Variants in DAAM2 observed in about 807,000 individuals in gnomAD.
DAAM2 encodes disheveled-associated activator of morphogenesis 2.
A neutral mutation model predicts 120.7 loss-of-function variants in DAAM2; 39 were observed. The observed-to-expected ratio is 0.32, with a 90% CI of 0.25 to 0.42. The LOEUF (loss-of-function observed/expected upper bound fraction) is 0.42, where lower values mean the gene tolerates loss of function less well. Ranked by LOEUF, DAAM2 falls within the 10% of genes least tolerant of loss-of-function variation. The probability of loss-of-function intolerance (pLI) is 1.00; values close to 1 mark genes in which losing one functional copy is unlikely to be tolerated. For synonymous variants in DAAM2, 488 were observed against 524.9 expected (o/e 0.93, Z 0.96); for missense variants, 1,283 against 1,401.7 (o/e 0.92, Z 1.35).
At chr6:39,839,030 CT>C (rs1177347829) in intron 1 of DAAM2, among the ~76,000 whole-genome samples, 26 of 152,162 alleles carry the variant, frequency 1.7e-4, no homozygotes, top group African/African-American at 5.5e-4. Flanking sequence ...GTGGTCCCCC[CT>C]CTCTCTCCTC....
chr6:39,804,350 C>A (rs149672362), intron 1 of DAAM2, among the ~76,000 whole-genome samples: 1 of 152,108 alleles, frequency 6.6e-6, no homozygotes, highest in Non-Finnish European at 1.5e-5. Flanking sequence ...ACAGAGTTAG[C>A]GCTCAGGGGA....
At chr6:39,852,297 G>T (rs935789237) in intron 1 of DAAM2, among the ~76,000 whole-genome samples, 2 of 152,188 alleles carry the variant, frequency 1.3e-5, no homozygotes, top group African/African-American at 4.8e-5. Flanking sequence ...TTCTAAAGAG[G>T]TTTTGCAGAA....
chr6:39,817,096 T>C (rs1346795400), intron 1 of DAAM2, among the ~76,000 whole-genome samples: 1 of 152,182 alleles, frequency 6.6e-6, no homozygotes, highest in Non-Finnish European at 1.5e-5. Context: ...GATCGCACCT[T>C]TGATGCACTT....
At chr6:39,839,239 A>G (rs2149248727) in intron 1 of DAAM2, among the ~76,000 whole-genome samples, 1 of 152,322 alleles carries the variant, frequency 6.6e-6, no homozygotes, top group South Asian at 2.1e-4. Context: ...GCGAAAAAAG[A>G]GGAAAGAGAA....
In DAAM2 at chr6:39,884,082, AC is replaced by A. The variant is rs1192809094; in HGVS notation, c.1953+16del. The A allele has an allele frequency of 7.0e-7, 1 of 1,437,236 alleles. No homozygotes were observed. The highest frequency in any genetic ancestry group is 1.4e-5 in the African/African-American group (1 of 71,624). 89.0% of individuals were successfully genotyped at this position (1,437,236 alleles called of 1,614,324 possible). On this transcript the variant is annotated intron_variant, in intron 15 of 24. Coordinates refer to ENST00000274867, the MANE Select transcript of DAAM2 (RefSeq NM_001201427.2). ...CCAGAGGCACCAGGTAAGACCCTAT[AC>A]CCTCTGGCCTCTTGGACCATACCCT...
intron 14 of DAAM2, 21 bp downstream of exon 14, chr6:39,879,498 T>C: frequency 1.9e-6 from 3 of 1,614,004 alleles, no homozygotes; most frequent in Non-Finnish European, 1.7e-6. Flanking sequence ...GGGAAGGGGC[T>C]GGAGGGCCCA....
At chr6:39,877,792 C>T (rs966626401) in intron 11 of DAAM2, among the ~76,000 whole-genome samples, 2 of 152,140 alleles carry the variant, frequency 1.3e-5, no homozygotes, top group Non-Finnish European at 2.9e-5. Context: ...GAAACCTGGA[C>T]CATGGTAGGG....
rs544663234 is a variant in DAAM2, at chr6:39,897,377, C to T, written c.2618+95C>T. 5.2e-6 allele frequency: 4 copies of T among 775,196 alleles called. No individual in the cohort carries two copies. The South Asian group carries it at 6.5e-5, about 13-fold the overall frequency. The allele number at this position is 775,196 out of a possible 1,614,324, so 48.0% of individuals were successfully genotyped here. A position where few individuals can be genotyped will look rare whatever the true frequency, so the allele number is the denominator to read the frequency against. On this transcript the variant is annotated intron_variant, in intron 21 of 24. Transcript: ENST00000274867. ...GGGTCTACTCTGGGCTTGATGATGGCTGGTGTGAGACCTCGGTTCTTGTCT... is the reference window on the plus strand; with the variant it reads ...GGGTCTACTCTGGGCTTGATGATGGTTGGTGTGAGACCTCGGTTCTTGTCT...
intron 1 of DAAM2, among the ~76,000 whole-genome samples, chr6:39,839,831 C>T (rs1408467578): frequency 2.0e-5 from 3 of 152,206 alleles, no homozygotes; most frequent in African/African-American, 7.2e-5. Context: ...CTAAGTAGAA[C>T]CCAGTAGACT....
intron 1 of DAAM2, among the ~76,000 whole-genome samples, chr6:39,817,480 A>G (rs1488827400): frequency 6.6e-6 from 1 of 152,170 alleles, no homozygotes; most frequent in East Asian, 1.9e-4. Flanking sequence ...CCTGTCTTCA[A>G]TGTTGGCAGT....
chr6:39,861,103 T>C (rs1267033933), intron 3 of DAAM2, 86 bp downstream of exon 3: 3 of 961,798 alleles, frequency 3.1e-6, no homozygotes, highest in Non-Finnish European at 4.9e-6. Context: ...TGCATTCACC[T>C]GATGTTTATT....
intron 1 of DAAM2, among the ~76,000 whole-genome samples, chr6:39,804,725 T>C (rs954787083): frequency 6.6e-6 from 1 of 152,208 alleles, no homozygotes; most frequent in Non-Finnish European, 1.5e-5. Flanking sequence ...TTTCTAGTCA[T>C]GTGTGAAATG....
chr6:39,855,874 C>T (rs1180389086), intron 1 of DAAM2, among the ~76,000 whole-genome samples: 1 of 152,190 alleles, frequency 6.6e-6, no homozygotes. Context: ...GGAAGCTGAT[C>T]TTACGGAAGA....
chr6:39,840,340 C>G (rs1216772470), intron 1 of DAAM2, among the ~76,000 whole-genome samples: 1 of 152,228 alleles, frequency 6.6e-6, no homozygotes, highest in East Asian at 1.9e-4. Context: ...CTTCACTGAA[C>G]ATTGGTTTCC....
chr6:39,865,830 A>G (rs886575324), intron 5 of DAAM2, among the ~76,000 whole-genome samples: 2 of 152,244 alleles, frequency 1.3e-5, no homozygotes, highest in African/African-American at 4.8e-5. Flanking sequence ...CTTCATTCCC[A>G]AATTACCTAA....
chr6:39,865,409 A>G (rs913079723), intron 5 of DAAM2, among the ~76,000 whole-genome samples: 3 of 152,244 alleles, frequency 2.0e-5, no homozygotes, highest in Non-Finnish European at 2.9e-5. Context: ...CAAAAGAAAG[A>G]GCCTTGTGAG....
At chr6:39,794,201 T>G (rs1173655397) in intron 1 of DAAM2, among the ~76,000 whole-genome samples, 1 of 152,212 alleles carries the variant, frequency 6.6e-6, no homozygotes, top group Admixed American at 6.5e-5. Flanking sequence ...CAGGAGTGAC[T>G]GGTCCCCATG....
At position 39,812,971 on chromosome 6, in the gene DAAM2, A is replaced by G. The variant is rs1762206503; in HGVS notation, c.-57+20506A>G. ...AAAGGGGATCGTAGTCCAGTCCAGG[A>G]AAATAAGTGTAGATTTCAGTGCCAG... On this transcript the variant is annotated intron_variant, in intron 1 of 24. Transcript: ENST00000274867. Among the ~76,000 whole-genome samples the G allele has an allele frequency of 2.0e-5, 3 of 152,174 alleles. No individual in the cohort carries two copies. In the South Asian group the frequency reaches 6.2e-4, roughly 32 times the overall value.
intron 21 of DAAM2, 48 bp from the exon 22 acceptor site, chr6:39,898,829 G>A (rs1766288754): frequency 6.6e-7 from 1 of 1,522,596 alleles, no homozygotes. Flanking sequence ...AGCACCTCAA[G>A]GCGGGAGTTG....
Sources: allele counts gnomAD v4.1 joint callset (sites outside exome capture counted in the v4.1 genomes callset), GRCh38; gene constraint gnomAD v4.1.1; transcripts MANE v1.5; gene names NCBI Gene and HGNC (gene_info 2026-07-23, HGNC 2026-07-21).